Variants in ARL3 observed in about 807,000 individuals in gnomAD.
ARL3 encodes the protein ADP-ribosylation factor-like protein 3.
ARL3 carries 9 observed loss-of-function variants against 26.0 expected under a neutral mutation model. The ratio of observed to expected loss-of-function variants is 0.35; its 90% confidence interval spans 0.21 to 0.60. The LOEUF (loss-of-function observed/expected upper bound fraction) is 0.60. Ranked by LOEUF, ARL3 falls within the 20% of genes least tolerant of loss-of-function variation. ARL3 has a pLI of 0.78. For missense variants in ARL3, 158 were observed against 215.7 expected (o/e 0.73, Z 1.67); for synonymous variants, 71 against 78.4 (o/e 0.91, Z 0.50).
At chr10:102,691,369 GGT>G (rs1388099582) in intron 3 of ARL3, among the ~76,000 whole-genome samples, 2 of 147,164 alleles carry the variant, frequency 1.4e-5, no homozygotes, top group African/African-American at 5.0e-5. Flanking sequence ...GAGAATATGC[GGT>G]GTTTGGTTTT....
In ARL3 at chr10:102,680,276, T is replaced by C. The variant is rs528129621; in HGVS notation, c.502-3335A>G. ...TATTGTTAAAAACTGGTTTGACCAA[T>C]TTTCTGTACATTTGATCTTCATTAT... is the stretch of plus-strand genomic sequence containing the variant. On this transcript the variant is annotated intron_variant, in intron 5 of 5. Transcript: ENST00000260746. Among the ~76,000 whole-genome samples, 10 of 152,298 alleles carry C rather than the reference T, an allele frequency of 6.6e-5. No individual in the cohort carries two copies. The South Asian group carries it at 2.1e-3, about 32-fold the overall frequency.
intron 1 of ARL3, among the ~76,000 whole-genome samples, chr10:102,707,473 T>C (rs1449218530): frequency 6.6e-6 from 1 of 152,000 alleles, no homozygotes; most frequent in African/African-American, 2.4e-5. Flanking sequence ...AATCCCAGAG[T>C]TTAAAGGGCA....
At chr10:102,709,604 G>T (rs2064327416) in intron 1 of ARL3, among the ~76,000 whole-genome samples, 1 of 147,762 alleles carries the variant, frequency 6.8e-6, no homozygotes, top group South Asian at 2.1e-4. Flanking sequence ...CTATGGTCGG[G>T]CCACTGCATT....
At chr10:102,684,747 T>C (rs1314546981) in intron 5 of ARL3, among the ~76,000 whole-genome samples, 1 of 151,406 alleles carries the variant, frequency 6.6e-6, no homozygotes, top group Non-Finnish European at 1.5e-5. Flanking sequence ...CAAGCAATTC[T>C]GCTGCCTCAG....
At chr10:102,679,029 C>T (rs575229767) in intron 5 of ARL3, among the ~76,000 whole-genome samples, 2 of 152,344 alleles carry the variant, frequency 1.3e-5, no homozygotes, top group East Asian at 1.9e-4. Context: ...GCACAGGGAG[C>T]GTAAACAGGG....
chr10:102,704,056 C>A (rs1369632807), intron 2 of ARL3, among the ~76,000 whole-genome samples: 3 of 138,960 alleles, frequency 2.2e-5, no homozygotes, highest in Non-Finnish European at 4.5e-5. Context: ...GAGGCTGAGG[C>A]AGGAGAATCA....
intron 4 of ARL3, among the ~76,000 whole-genome samples, chr10:102,688,389 C>A (rs2064198640): frequency 6.6e-6 from 1 of 151,846 alleles, no homozygotes; most frequent in African/African-American, 2.4e-5. Flanking sequence ...GAGTTCTCAA[C>A]TCAATTTCAA....
At chr10:102,704,129 A>G (rs1275098346) in intron 2 of ARL3, among the ~76,000 whole-genome samples, 1 of 142,894 alleles carries the variant, frequency 7.0e-6, no homozygotes, top group East Asian at 2.1e-4. Flanking sequence ...CCAGCCTGGG[A>G]AACAGAACGA....
At chr10:102,708,400 T>C (rs182444892) in intron 1 of ARL3, among the ~76,000 whole-genome samples, 82 of 152,274 alleles carry the variant, frequency 5.4e-4, no homozygotes, top group African/African-American at 1.8e-3. Context: ...CCTGAGTTCC[T>C]GATTGTAAGT....
chr10:102,707,024 G>A (rs2136009580), intron 1 of ARL3, among the ~76,000 whole-genome samples: 1 of 152,154 alleles, frequency 6.6e-6, no homozygotes, highest in African/African-American at 2.4e-5. Context: ...GCTGGGCATG[G>A]TGGCTCACGC....
At chr10:102,714,216 G>A in intron 1 of ARL3, 57 bp downstream of exon 1, 2 of 1,312,570 alleles carry the variant, frequency 1.5e-6, no homozygotes, top group Non-Finnish European at 2.0e-6. Context: ...CCCTGGGCCT[G>A]GGGACGGGAG....
chr10:102,693,456 G>A (rs1371964483), intron 3 of ARL3, among the ~76,000 whole-genome samples: 1 of 151,946 alleles, frequency 6.6e-6, no homozygotes, highest in Non-Finnish European at 1.5e-5. Flanking sequence ...ATATAATACT[G>A]AACATTTTTT....
At chr10:102,680,038 G>A (rs545207306) in intron 5 of ARL3, among the ~76,000 whole-genome samples, 58 of 152,074 alleles carry the variant, frequency 3.8e-4, no homozygotes, top group Middle Eastern at 6.8e-3. Context: ...TGCAAGCTCC[G>A]CCTCATGCCA....
chr10:102,699,541 C>T, intron 2 of ARL3, 52 bp from the exon 3 acceptor site: 1 of 1,062,236 alleles, frequency 9.4e-7, no homozygotes, highest in Non-Finnish European at 1.4e-6. Flanking sequence ...GATCATAATT[C>T]TGACAAAGTT....
chr10:102,709,331 G>C (rs2064326125), intron 1 of ARL3, among the ~76,000 whole-genome samples: 1 of 150,468 alleles, frequency 6.6e-6, no homozygotes, highest in Non-Finnish European at 1.5e-5. Context: ...CATTACATTT[G>C]ATATTAAAGA....
intron 3 of ARL3, among the ~76,000 whole-genome samples, chr10:102,695,520 T>A (rs1399963275): frequency 1.3e-5 from 2 of 152,230 alleles, no homozygotes; most frequent in African/African-American, 4.8e-5. Flanking sequence ...CTTGTTGATT[T>A]AAAATTTTTT....
At chr10:102,708,558 TAAA>T (rs1450203020) in intron 1 of ARL3, among the ~76,000 whole-genome samples, 1 of 152,038 alleles carries the variant, frequency 6.6e-6, no homozygotes, top group African/African-American at 2.4e-5. Context: ...TTTCCTATTT[TAAA>T]AAAAATTTTT....
chr10:102,705,580 A>G, intron 1 of ARL3, 91 bp from the exon 2 acceptor site: 8 of 1,287,956 alleles, frequency 6.2e-6, no homozygotes, highest in Non-Finnish European at 8.3e-6. Flanking sequence ...GAAAAAAGTT[A>G]TTGGTTATGG....
chr10:102,675,618 C>T lies in ARL3; in HGVS notation c.*1276G>A, dbSNP rs1247339744. ...TTTCTGAGGTTCAGGGAAACAAGCT[C>T]GTTTTGCAACGAGGGGCAGGAGAAA... On this transcript the variant is annotated 3_prime_UTR_variant, in exon 6 of 6. Coordinates refer to ENST00000260746, the MANE Select transcript of ARL3 (RefSeq NM_004311.4). 2.6e-5 allele frequency: 4 copies of T among 152,198 alleles called. No homozygotes were observed. Among genetic ancestry groups the T allele is most frequent in the Non-Finnish European group, 4.4e-5 (3 of 68,050 alleles). The allele number at this position is 152,198 out of a possible 1,614,324, so 9.4% of individuals were successfully genotyped here.
Sources: gnomAD v4.1 joint callset for allele counts (sites outside exome capture counted in the v4.1 genomes callset) on GRCh38, gnomAD v4.1.1 for gene constraint, MANE v1.5 for transcripts, NCBI Gene and HGNC (gene_info 2026-07-23, HGNC 2026-07-21) for gene names.